The following ACSBG1 variants were observed in gnomAD, a reference collection of about 807,000 sequenced individuals.
The protein encoded by ACSBG1 is long-chain-fatty-acid--CoA ligase ACSBG1.
Under a neutral mutation model 80.2 loss-of-function variants are expected in ACSBG1, and 39 were observed. The observed-to-expected ratio is 0.49, with a 90% CI of 0.38 to 0.64. The LOEUF (loss-of-function observed/expected upper bound fraction) is 0.64. Among genes scored for constraint, ACSBG1 ranks in the 30% least tolerant of loss-of-function variants. The pLI is 0.00. For missense variants in ACSBG1, 828 were observed against 966.4 expected, an observed-to-expected ratio of 0.86 and a Z score of 1.90; for synonymous variants, 392 against 379.5, an observed-to-expected ratio of 1.03 and a Z score of -0.38.
intron 2 of ACSBG1, among the ~76,000 whole-genome samples, chr15:78,204,422 G>A (rs898478097): frequency 3.3e-5 from 5 of 152,180 alleles, no homozygotes; most frequent in East Asian, 1.9e-4. Flanking sequence ...GCAAGAACCC[G>A]GGCATCCCAG....
chr15:78,219,584 T>C (rs547058630), intron 1 of ACSBG1, among the ~76,000 whole-genome samples: 2 of 152,318 alleles, frequency 1.3e-5, no homozygotes, highest in South Asian at 4.1e-4. Flanking sequence ...ATTGTTAAGA[T>C]GGTAATGCTC....
chr15:78,200,668 C>G (rs2075158692), intron 2 of ACSBG1, among the ~76,000 whole-genome samples: 1 of 152,120 alleles, frequency 6.6e-6, no homozygotes, highest in South Asian at 2.1e-4. Context: ...ACCCCGGCAC[C>G]ACATCTCCCA....
chr15:78,231,497 G>A (rs2075447085), intron 1 of ACSBG1, among the ~76,000 whole-genome samples: 1 of 152,054 alleles, frequency 6.6e-6, no homozygotes, highest in South Asian at 2.1e-4. Context: ...TGTTACCCAG[G>A]CTGGTCTCGA....
intron 2 of ACSBG1, among the ~76,000 whole-genome samples, chr15:78,200,876 A>G (rs1052856894): frequency 1.3e-5 from 2 of 152,122 alleles, no homozygotes; most frequent in African/African-American, 2.4e-5. Context: ...AGACGTCTAT[A>G]CCAGGGCTTC....
intron 1 of ACSBG1, among the ~76,000 whole-genome samples, chr15:78,222,648 C>A (rs901433714): frequency 1.3e-5 from 2 of 152,068 alleles, no homozygotes; most frequent in African/African-American, 4.8e-5. Flanking sequence ...GAGATCCTGT[C>A]GCAAAATAAT....
chr15:78,171,245 C>A lies in ACSBG1; in HGVS notation c.*199G>T. 1 of 484,058 alleles carries A rather than the reference C, an allele frequency of 2.1e-6. No homozygotes were observed. Among genetic ancestry groups the A allele is most frequent in the Non-Finnish European group, 3.7e-6 (1 of 269,190 alleles). 30.0% of individuals were successfully genotyped at this position (484,058 alleles called of 1,614,324 possible). A position where few individuals can be genotyped will look rare whatever the true frequency, so the allele number is the denominator to read the frequency against. On this transcript the variant is annotated 3_prime_UTR_variant, in exon 14 of 14. Transcript: ENST00000258873. ...AATACTTAAACTGAATTAAAACTACCCACACGTGAAGCTTCTTGGAATTGT... is the reference window on the plus strand; with the variant it reads ...AATACTTAAACTGAATTAAAACTACACACACGTGAAGCTTCTTGGAATTGT...
chr15:78,207,543 GAAGAT>G (rs1389356601), intron 2 of ACSBG1, among the ~76,000 whole-genome samples: 2 of 151,876 alleles, frequency 1.3e-5, no homozygotes, highest in Admixed American at 1.3e-4. Context: ...TGGAGATCAA[GAAGAT>G]AACATGTAAT....
chr15:78,233,493 C>T (rs1595910711), intron 1 of ACSBG1, among the ~76,000 whole-genome samples: 1 of 152,204 alleles, frequency 6.6e-6, no homozygotes, highest in African/African-American at 2.4e-5. Flanking sequence ...TTCTATGCTT[C>T]CGCCACCCAG....
intron 1 of ACSBG1, among the ~76,000 whole-genome samples, chr15:78,214,540 A>G (rs1284226405): frequency 6.6e-6 from 1 of 152,124 alleles, no homozygotes; most frequent in Non-Finnish European, 1.5e-5. Flanking sequence ...CCCAGGTTTA[A>G]GTGATTCTCC....
intron 2 of ACSBG1, among the ~76,000 whole-genome samples, chr15:78,203,834 C>G (rs2075189856): frequency 6.6e-6 from 1 of 152,190 alleles, no homozygotes; most frequent in African/African-American, 2.4e-5. Flanking sequence ...GGACAGATCT[C>G]TCTCCGAGAA....
intron 2 of ACSBG1, 76 bp downstream of exon 2, chr15:78,207,923 ACAC>A: frequency 3.5e-6 from 1 of 284,792 alleles, no homozygotes. Context: ...GTGGTCCCCC[ACAC>A]CACCCACCCC....
At chr15:78,234,192 G>A (rs766478447) in intron 1 of ACSBG1, among the ~76,000 whole-genome samples, 179 bp downstream of exon 1, 2 of 152,246 alleles carry the variant, frequency 1.3e-5, no homozygotes, top group African/African-American at 2.4e-5. Context: ...GCCATGCTAA[G>A]TAGCCCTCCA....
At chr15:78,212,673 T>TC (rs1009394211) in intron 1 of ACSBG1, 1 of 444,794 alleles carries the variant, frequency 2.2e-6, no homozygotes, top group African/African-American at 2.0e-5. Flanking sequence ...TGTCACGGAG[T>TC]CCCCCCGGGA....
intron 2 of ACSBG1, among the ~76,000 whole-genome samples, chr15:78,204,394 G>A (rs2075195349): frequency 6.6e-6 from 1 of 152,218 alleles, no homozygotes; most frequent in Non-Finnish European, 1.5e-5. Flanking sequence ...CCATCCACTG[G>A]AGAGAAGCCG....
chr15:78,204,921 G>A (rs1028864151), intron 2 of ACSBG1, among the ~76,000 whole-genome samples: 2 of 152,198 alleles, frequency 1.3e-5, no homozygotes, highest in African/African-American at 4.8e-5. Context: ...ACCCACAAAG[G>A]GCTTCACTGG....
chr15:78,203,087 C>T (rs906357237), intron 2 of ACSBG1, among the ~76,000 whole-genome samples: 3 of 152,218 alleles, frequency 2.0e-5, no homozygotes, highest in African/African-American at 7.2e-5. Flanking sequence ...ATAGACCACA[C>T]TGAAAAGATC....
At chr15:78,195,495 G>A (rs2141350329) in intron 2 of ACSBG1, among the ~76,000 whole-genome samples, 1 of 146,654 alleles carries the variant, frequency 6.8e-6, no homozygotes, top group African/African-American at 2.8e-5. Context: ...TCTGTGTATG[G>A]TGGGTGGGAA....
chr15:78,200,165 T>C (rs1035603468), intron 2 of ACSBG1, among the ~76,000 whole-genome samples: 2 of 152,222 alleles, frequency 1.3e-5, no homozygotes, highest in African/African-American at 4.8e-5. Flanking sequence ...GCCTGTGCTT[T>C]TGTGTCAGGT....
chr15:78,172,487 AAG>A lies in ACSBG1; in HGVS notation c.2090-960_2090-959del, dbSNP rs2074835786. On this transcript the variant is annotated intron_variant, in intron 13 of 13. Coordinates refer to ENST00000258873, the MANE Select transcript of ACSBG1 (RefSeq NM_015162.5). This position sits in a 1 kb window ranked among gnomAD's most constrained non-coding sequence, Gnocchi z 4.1. ...ATTTATCCCCCAAAAGCAAGTTTGA[AAG>A]AGCTCTGATTTGAGGTCCTGGGTAG... 6.6e-6 allele frequency among the ~76,000 whole-genome samples: 1 copy of A among 152,178 alleles called. No homozygotes were observed. Among genetic ancestry groups the A allele is most frequent in the Non-Finnish European group, 1.5e-5 (1 of 68,032 alleles).
Sources: allele counts gnomAD v4.1 joint callset (sites outside exome capture counted in the v4.1 genomes callset), GRCh38; gene constraint gnomAD v4.1.1; non-coding constraint Gnocchi (gnomAD v3.1); transcripts MANE v1.5; gene names NCBI Gene and HGNC (gene_info 2026-07-23, HGNC 2026-07-21).